Variants in NTM observed in about 807,000 individuals in gnomAD.
The protein encoded by NTM is neurotrimin.
Under a neutral mutation model 42.1 loss-of-function variants are expected in NTM, and 13 were observed. The observed-to-expected ratio is 0.31, with a 90% CI of 0.20 to 0.49. The LOEUF (loss-of-function observed/expected upper bound fraction) is 0.49. Among genes scored for constraint, NTM ranks in the 20% least tolerant of loss-of-function variants. The pLI is 0.99. For missense variants in NTM, 373 were observed against 452.8 expected, an observed-to-expected ratio of 0.82 and a Z score of 1.60; for synonymous variants, 187 against 179.2, an observed-to-expected ratio of 1.04 and a Z score of -0.35.
chr11:132,116,846 C>T (rs887167351), intron 2 of NTM, among the ~76,000 whole-genome samples: 1 of 152,146 alleles, frequency 6.6e-6, no homozygotes, highest in African/African-American at 2.4e-5. Flanking sequence ...GACTTGAAAA[C>T]TAGTGTAGTT....
At chr11:132,035,702 T>G (rs2076429999) in intron 2 of NTM, among the ~76,000 whole-genome samples, 1 of 152,100 alleles carries the variant, frequency 6.6e-6, no homozygotes, top group Admixed American at 6.6e-5. Context: ...AATGTTCCTG[T>G]GTGCGTGAGC....
chr11:132,190,659 C>G (rs983059016), intron 3 of NTM, among the ~76,000 whole-genome samples: 3 of 151,704 alleles, frequency 2.0e-5, no homozygotes, highest in Non-Finnish European at 4.4e-5. Flanking sequence ...ATCACTTGAA[C>G]CCAGGTGGCC....
At position 131,889,250 on chromosome 11, in the gene NTM, A is replaced by G. The variant is rs554732598; in HGVS notation, c.83-22314A>G. The stretch of plus-strand genomic sequence containing the variant: ...CACAGGTTTCCATGCAAACCAAACA[A>G]AGGAGCATAAGATACAGGCCAGGCA... On this transcript the variant is annotated intron_variant, in intron 1 of 8. Transcript: ENST00000683400. Among the ~76,000 whole-genome samples the G allele has an allele frequency of 2.0e-5, 3 of 152,314 alleles. No homozygotes were observed. The South Asian group carries it at 6.2e-4, about 32-fold the overall frequency.
chr11:131,485,431 A>T, intron 1 of NTM, among the ~76,000 whole-genome samples: 1 of 151,872 alleles, frequency 6.6e-6, no homozygotes, highest in East Asian at 1.9e-4. Flanking sequence ...GAGGGGTGGG[A>T]CTCCCCATCC....
chr11:131,520,221 C>T (rs989785650), intron 1 of NTM, among the ~76,000 whole-genome samples: 2 of 152,158 alleles, frequency 1.3e-5, no homozygotes. Context: ...ATATATTAAA[C>T]ATCTAGCACA....
rs151133606 is a variant in NTM at position 131,983,374 on chromosome 11, C to CTTT, written c.167+71743_167+71745dup. ...TAAAATGGAGAGTATAAAATTGTAT[C>CTTT]TTTTTTTTTTTTTTTTTTTGAGATG... On this transcript the variant is annotated intron_variant, in intron 2 of 8. Transcript: ENST00000683400. 1.9e-3 allele frequency among the ~76,000 whole-genome samples: 234 copies of CTTT among 122,396 alleles called. 7 individuals are homozygous for CTTT. Among genetic ancestry groups the CTTT allele is most frequent in the African/African-American group, 6.8e-3 (218 of 32,046 alleles). 80.3% of individuals were successfully genotyped at this position (122,396 alleles called of 152,430 possible). A position where few individuals can be genotyped will look rare whatever the true frequency, so the allele number is the denominator to read the frequency against.
chr11:132,222,214 A>G (rs1466349520), intron 4 of NTM, among the ~76,000 whole-genome samples: 1 of 152,148 alleles, frequency 6.6e-6, no homozygotes, highest in African/African-American at 2.4e-5. Flanking sequence ...CCTCACTGGC[A>G]GCTGAGCTCT....
At position 132,304,321 on chromosome 11, in the gene NTM, C is replaced by G. The variant is rs4937691; in HGVS notation, c.527-3368C>G. Reference sequence around the variant, plus strand: ...TGAGAAGCTGTTGACCGTGAAGTTTCTTTTCATAGGGTTATATCAAGTGGT... The same window carrying G: ...TGAGAAGCTGTTGACCGTGAAGTTTGTTTTCATAGGGTTATATCAAGTGGT... On this transcript the variant is annotated intron_variant, in intron 4 of 8. Transcript: ENST00000683400. 5.0e-3 allele frequency among the ~76,000 whole-genome samples: 755 copies of G among 151,990 alleles called. 31 individuals are homozygous for G. The highest frequency in any genetic ancestry group is 0.041 in the Admixed American group (623 of 15,280).
rs1027783437 is a variant in NTM at position 131,863,517 on chromosome 11, C to G, written c.83-48047C>G. Among the ~76,000 whole-genome samples, 11 of 152,312 alleles carry G rather than the reference C, an allele frequency of 7.2e-5. No individual in the cohort carries two copies. The East Asian group carries it at 1.9e-3, about 27-fold the overall frequency. On this transcript the variant is annotated intron_variant, in intron 1 of 8. Transcript: ENST00000683400. ...CAGCCACTCCTCAGCATCACTGACACTCAGCATTCTAACCTTGGAACTGCA... is the reference window on the plus strand; with the variant it reads ...CAGCCACTCCTCAGCATCACTGACAGTCAGCATTCTAACCTTGGAACTGCA...
Position 131,815,747 on chromosome 11 carries a change from T to C in NTM, c.83-95817T>C, listed in dbSNP as rs1045724803. ...AATTGGGATATTTTCCAGAGGCAGG[T>C]TGAGTAAGCACTGACTGAGCTGACC... On this transcript the variant is annotated intron_variant, in intron 1 of 8. Coordinates refer to ENST00000683400, the MANE Select transcript of NTM (RefSeq NM_001352005.2). Among the ~76,000 whole-genome samples, 9 of 152,184 alleles carry C rather than the reference T, an allele frequency of 5.9e-5. No homozygotes were observed. In the East Asian group the frequency reaches 1.7e-3, roughly 30 times the overall value.
chr11:131,591,158 C>T lies in NTM; in HGVS notation c.82+220270C>T, dbSNP rs189467987. Among the ~76,000 whole-genome samples the T allele has an allele frequency of 2.1e-3, 317 of 152,302 alleles. 1 individual carries two copies. The highest frequency in any genetic ancestry group is 7.3e-3 in the African/African-American group (305 of 41,564). Reference sequence around the variant, plus strand: ...CAGCTCAGCTGTTAAGACTCAAATTCCTCACCTCCTCCCAGCCCCCACCGC... The same window carrying T: ...CAGCTCAGCTGTTAAGACTCAAATTTCTCACCTCCTCCCAGCCCCCACCGC... On this transcript the variant is annotated intron_variant, in intron 1 of 8. Coordinates refer to ENST00000683400, the MANE Select transcript of NTM (RefSeq NM_001352005.2).
intron 2 of NTM, among the ~76,000 whole-genome samples, chr11:131,986,889 T>A (rs2066154656): frequency 6.6e-6 from 1 of 152,172 alleles, no homozygotes; most frequent in Admixed American, 6.5e-5. Flanking sequence ...TCTGACACAT[T>A]CCAACATAAT....
intron 1 of NTM, among the ~76,000 whole-genome samples, chr11:131,759,211 C>T (rs986136913): frequency 2.6e-5 from 4 of 152,184 alleles, no homozygotes; most frequent in Non-Finnish European, 2.9e-5. Context: ...TTACTGTGCT[C>T]TCCATACTCT....
chr11:132,281,759 C>T (rs981482300), intron 4 of NTM, among the ~76,000 whole-genome samples: 8 of 152,156 alleles, frequency 5.3e-5, no homozygotes, highest in African/African-American at 1.2e-4. Context: ...GGGTTAATTG[C>T]ATCATCTAGG....
intron 4 of NTM, among the ~76,000 whole-genome samples, chr11:132,235,846 T>G (rs2088727093): frequency 6.6e-6 from 1 of 152,210 alleles, no homozygotes; most frequent in African/African-American, 2.4e-5. Flanking sequence ...GTGGTGTTTT[T>G]GACAATTATC....
intron 2 of NTM, among the ~76,000 whole-genome samples, chr11:131,929,170 C>G (rs2058305473): frequency 6.6e-6 from 1 of 152,176 alleles, no homozygotes; most frequent in Non-Finnish European, 1.5e-5. Context: ...AGGAAGTGTG[C>G]GAGTTTAGAC....
In NTM at chr11:131,667,075, G is replaced by C. The variant is rs112094704; in HGVS notation, c.83-244489G>C. Among the ~76,000 whole-genome samples the C allele has an allele frequency of 2.9e-3, 448 of 152,302 alleles. 3 individuals carry two copies. The highest frequency in any genetic ancestry group is 0.01 in the African/African-American group (426 of 41,580). ...TGGCCTTGGTCCTCACAATTATGCT[G>C]CAAGGAAGTAAGTGGGTTTCAGGGC... On this transcript the variant is annotated intron_variant, in intron 1 of 8. Coordinates refer to ENST00000683400, the MANE Select transcript of NTM (RefSeq NM_001352005.2).
chr11:132,057,938 C>T (rs533880474), intron 2 of NTM, among the ~76,000 whole-genome samples: 6 of 152,238 alleles, frequency 3.9e-5, no homozygotes, highest in Admixed American at 2.6e-4. Context: ...TCCAAGATCT[C>T]TACTTGGGTC....
chr11:132,253,520 G>T (rs1425225683), intron 4 of NTM, among the ~76,000 whole-genome samples: 3 of 152,110 alleles, frequency 2.0e-5, no homozygotes, highest in Non-Finnish European at 4.4e-5. Context: ...TACATACAAG[G>T]ACCACTTATT....
Sources: gnomAD v4.1 joint callset for allele counts (sites outside exome capture counted in the v4.1 genomes callset) on GRCh38, gnomAD v4.1.1 for gene constraint, MANE v1.5 for transcripts, NCBI Gene and HGNC (gene_info 2026-07-23, HGNC 2026-07-21) for gene names.